Variants in CREB5 observed in about 807,000 individuals in gnomAD.
CREB5 encodes cAMP responsive element binding protein 5, also known as cyclic AMP-responsive element-binding protein 5.
In CREB5, 19 loss-of-function variants were observed where a neutral mutation model predicts 57.1. The ratio of observed to expected loss-of-function variants is 0.33; its 90% CI spans 0.23 to 0.49. CREB5 has a LOEUF of 0.49. CREB5 is among the 20% of genes least tolerant of loss of function. CREB5 has a pLI of 0.99. For synonymous variants in CREB5, 238 were observed against 238.3 expected (o/e 1.00, Z 0.01); for missense variants, 579 against 671.6 (o/e 0.86, Z 1.52).
At chr7:28,780,788 A>C (rs1474146221) in intron 7 of CREB5, among the ~76,000 whole-genome samples, 1 of 152,054 alleles carries the variant, frequency 6.6e-6, no homozygotes, top group East Asian at 1.9e-4. Context: ...GTACTGAAGC[A>C]TTTACCCAGC....
At chr7:28,811,541 A>AT (rs1809120446) in intron 9 of CREB5, among the ~76,000 whole-genome samples, 1 of 151,632 alleles carries the variant, frequency 6.6e-6, no homozygotes, top group Admixed American at 6.6e-5. Flanking sequence ...TGCCTGGCTA[A>AT]TTTTTTTTCT....
intron 1 of CREB5, among the ~76,000 whole-genome samples, chr7:28,467,071 C>T (rs919824454): frequency 1.3e-5 from 2 of 152,198 alleles, no homozygotes; most frequent in Non-Finnish European, 2.9e-5. Context: ...GAGGGGCTGC[C>T]TGTCAAGTGT....
intron 5 of CREB5, among the ~76,000 whole-genome samples, chr7:28,626,448 T>C (rs1054923202): frequency 1.5e-4 from 23 of 152,136 alleles, no homozygotes; most frequent in Admixed American, 1.5e-3. Context: ...TTATTATGAC[T>C]ATCCCCATTT....
chr7:28,623,659 A>C (rs1583436606), intron 5 of CREB5, among the ~76,000 whole-genome samples: 1 of 152,230 alleles, frequency 6.6e-6, no homozygotes, highest in East Asian at 1.9e-4. Context: ...AACATATCTC[A>C]GTGAGGAACT....
chr7:28,617,672 TAATTC>T lies in CREB5; in HGVS notation c.464+47139_464+47143del, dbSNP rs559046463. Among the ~76,000 whole-genome samples, 144 of 152,338 alleles carry T rather than the reference TAATTC, an allele frequency of 9.5e-4. No homozygotes were observed. The Middle Eastern group carries it at 0.017, about 18-fold the overall frequency. On this transcript the variant is annotated intron_variant, in intron 5 of 10. Coordinates refer to ENST00000357727, the MANE Select transcript of CREB5 (RefSeq NM_182898.4). ...AAGGTGCTGTTCTCCTAGCACTTAA[TAATTC>T]AATAATGAGAGTTGGAAGCTGTCCC...
At chr7:28,316,118 A>T (rs534604940) in intron 1 of CREB5, among the ~76,000 whole-genome samples, 1 of 152,200 alleles carries the variant, frequency 6.6e-6, no homozygotes, top group African/African-American at 2.4e-5. Context: ...GGCGGGTGGG[A>T]TGCCATTGCG....
intron 1 of CREB5, among the ~76,000 whole-genome samples, chr7:28,484,059 C>G (rs1028657594): frequency 2.0e-5 from 3 of 152,154 alleles, no homozygotes; most frequent in Admixed American, 6.6e-5. Context: ...TATGTAAGCT[C>G]TATGCAGTGG....
chr7:28,724,386 T>C, intron 7 of CREB5, 54 bp downstream of exon 7: 1 of 1,477,728 alleles, frequency 6.8e-7, no homozygotes, highest in Non-Finnish European at 9.4e-7. Context: ...TTCTTTTGAA[T>C]TTTACTCTGA....
In CREB5 at chr7:28,664,920, G is replaced by A. The variant is rs150636945; in HGVS notation, c.465-53833G>A. ...AGGGTTGTAAAAGGAAGACAGACCT[G>A]GCTAAGTGTTGTGTCAGGGAAGTCT... On this transcript the variant is annotated intron_variant, in intron 5 of 10. Transcript: ENST00000357727. Among the ~76,000 whole-genome samples the A allele has an allele frequency of 3.0e-3, 455 of 152,274 alleles. 2 individuals carry two copies. The highest frequency in any genetic ancestry group is 0.01 in the African/African-American group (419 of 41,546).
rs1355558011 is a variant in CREB5, at chr7:28,560,895, TGCGTGC to T, written c.292-9466_292-9461del. 5.6e-4 allele frequency among the ~76,000 whole-genome samples: 15 copies of T among 26,666 alleles called. 1 individual carries two copies. The highest frequency in any genetic ancestry group is 1.7e-3 in the African/African-American group (12 of 7,252). 17.5% of individuals were successfully genotyped at this position (26,666 alleles called of 152,430 possible). ...GTGCGCGTGCGTGCGTGCGTGTGTG[TGCGTGC>T]GCGCGTGCGTGTGCGTGTGTGCGCG... On this transcript the variant is annotated intron_variant, in intron 4 of 10. Coordinates refer to ENST00000357727, the MANE Select transcript of CREB5 (RefSeq NM_182898.4).
At chr7:28,375,779 T>C (rs1202214088) in intron 1 of CREB5, among the ~76,000 whole-genome samples, 1 of 151,820 alleles carries the variant, frequency 6.6e-6, no homozygotes, top group Non-Finnish European at 1.5e-5. Context: ...CCTGGAATGT[T>C]CCTAGACCAG....
chr7:28,794,460 A>T (rs1437051715), intron 7 of CREB5, among the ~76,000 whole-genome samples: 1 of 152,204 alleles, frequency 6.6e-6, no homozygotes, highest in East Asian at 1.9e-4. Flanking sequence ...TTCTACTTCC[A>T]TTGTGCATTT....
At chr7:28,815,524 G>T (rs1809386670) in intron 9 of CREB5, among the ~76,000 whole-genome samples, 1 of 152,196 alleles carries the variant, frequency 6.6e-6, no homozygotes, top group Non-Finnish European at 1.5e-5. Flanking sequence ...GTGCTGACTA[G>T]TGCTCTTTTT....
In CREB5 at chr7:28,725,656, A is replaced by G. The variant is rs556660651; in HGVS notation, c.702+1324A>G. ...CATATATCTTTTTTTAAAAAAAAAAAAAAAAAGAAAGAAAGAAAGAAAGAA... is the reference window on the plus strand; with the variant it reads ...CATATATCTTTTTTTAAAAAAAAAAGAAAAAAGAAAGAAAGAAAGAAAGAA... On this transcript the variant is annotated intron_variant, in intron 7 of 10. Coordinates refer to ENST00000357727, the MANE Select transcript of CREB5 (RefSeq NM_182898.4). 9.8e-3 allele frequency among the ~76,000 whole-genome samples: 1,484 copies of G among 151,564 alleles called. 26 individuals carry two copies. The highest frequency in any genetic ancestry group is 0.033 in the African/African-American group (1,374 of 41,348).
At position 28,822,446 on chromosome 7, in the gene CREB5, C is replaced by T. The variant is rs375548317; in HGVS notation, c.*3167C>T. ...ATATCTTTGTACTCCATTCTCCTCC[C>T]TCAGCCAGTTACTGGGTCACCCATC... On this transcript the variant is annotated 3_prime_UTR_variant, in exon 11 of 11. Coordinates refer to ENST00000357727, the MANE Select transcript of CREB5 (RefSeq NM_182898.4). 1 of 152,652 alleles carries T rather than the reference C, an allele frequency of 6.6e-6. No individual in the cohort carries two copies. The highest frequency in any genetic ancestry group is 6.5e-5 in the Admixed American group (1 of 15,274). The allele number at this position is 152,652 out of a possible 1,614,324, so 9.5% of individuals were successfully genotyped here.
chr7:28,570,479 C>T lies in CREB5; in HGVS notation c.406C>T (p.Pro136Ser). The change falls in exon 5 of 11, where the codon CCG (proline) becomes TCG (serine). Residue 136 changes from proline (P) to serine (S), a missense_variant. Around this residue, in one of 3 missense-constraint regions of CREB5, gnomAD observed 459 missense variants for 515.7 expected, o/e 0.89. Coordinates refer to ENST00000357727, the MANE Select transcript of CREB5 (RefSeq NM_182898.4). ...CAACGTTGTGATTCAGCAAGCCATGCCGTCGCCTCAGTCCAGCTCTGTCAT... is the reference window on the plus strand; with the variant it reads ...CAACGTTGTGATTCAGCAAGCCATGTCGTCGCCTCAGTCCAGCTCTGTCAT... ...DTNVVIQQAM[P>S]SPQSSSVITQ... The T allele has an allele frequency of 1.2e-6, 2 of 1,614,166 alleles. No individual in the cohort carries two copies. The highest frequency in any genetic ancestry group is 1.1e-5 in the South Asian group (1 of 91,084).
chr7:28,467,895 T>C (rs1201097726), intron 1 of CREB5, among the ~76,000 whole-genome samples: 18 of 152,120 alleles, frequency 1.2e-4, no homozygotes, highest in Admixed American at 1.2e-3. Flanking sequence ...TGGGTTACAG[T>C]TCTCTATGAG....
intron 1 of CREB5, among the ~76,000 whole-genome samples, chr7:28,425,984 G>A (rs897592707): frequency 1.3e-5 from 2 of 152,200 alleles, no homozygotes; most frequent in Non-Finnish European, 2.9e-5. Flanking sequence ...CCCCCAGATT[G>A]AGGCTTCATG....
intron 1 of CREB5, among the ~76,000 whole-genome samples, chr7:28,438,116 C>G (rs1789032519): frequency 6.6e-6 from 1 of 152,092 alleles, no homozygotes; most frequent in African/African-American, 2.4e-5. Context: ...GAATCCTGCC[C>G]AAAGACCTTA....
Sources: gnomAD v4.1 joint callset for allele counts (sites outside exome capture counted in the v4.1 genomes callset) on GRCh38, gnomAD v4.1.1 for gene constraint, gnomAD v4.1.1 regional missense constraint, MANE v1.5 for transcripts, NCBI Gene and HGNC (gene_info 2026-07-23, HGNC 2026-07-21) for gene names.